AKR1A1: variants seen among roughly 807,000 people sequenced by gnomAD.
AKR1A1 encodes HEL-S-165mP.
A neutral mutation model predicts 39.2 loss-of-function variants in AKR1A1; 26 were observed. The ratio of observed to expected loss-of-function variants is 0.66; its 90% CI spans 0.49 to 0.92. The LOEUF (loss-of-function observed/expected upper bound fraction) is 0.92. Among genes scored for constraint, AKR1A1 ranks in the 40% least tolerant of loss-of-function variants. The pLI is 0.00. For synonymous variants in AKR1A1, 141 were observed against 155.5 expected (o/e 0.91, Z 0.69); for missense variants, 378 against 406.5 (o/e 0.93, Z 0.60).
At position 45,561,719 on chromosome 1, in the gene AKR1A1, G is replaced by C. The variant is rs931687524; in HGVS notation, c.-6-70G>C. The C allele has an allele frequency of 1.7e-5, 25 of 1,496,806 alleles. No homozygotes were observed. Among genetic ancestry groups the C allele is most frequent in the African/African-American group, 5.5e-5 (4 of 72,420 alleles). 92.7% of individuals were successfully genotyped at this position (1,496,806 alleles called of 1,614,324 possible). A position where few individuals can be genotyped will look rare whatever the true frequency, so the allele number is the denominator to read the frequency against. On this transcript the variant is annotated intron_variant, in intron 1 of 8. Coordinates refer to ENST00000351829, the MANE Select transcript of AKR1A1 (RefSeq NM_153326.3). The stretch of plus-strand genomic sequence containing the variant: ...GCACTTGGCGCTTTGCAGTATTCTT[G>C]ACAGTGGAAATCTGAGACCTGAACA...
At chr1:45,551,932 A>G (rs572633996) in intron 1 of AKR1A1, among the ~76,000 whole-genome samples, 119 of 151,974 alleles carry the variant, frequency 7.8e-4, no homozygotes, top group Middle Eastern at 6.8e-3. Context: ...ACCTGTCAAG[A>G]TCTCTCCCCC....
At chr1:45,555,799 G>A (rs535667968) in intron 1 of AKR1A1, among the ~76,000 whole-genome samples, 5 of 152,256 alleles carry the variant, frequency 3.3e-5, no homozygotes, top group African/African-American at 1.2e-4. Flanking sequence ...CCAGGTCTGC[G>A]TAGCCCCACA....
intron 2 of AKR1A1, among the ~76,000 whole-genome samples, chr1:45,565,795 A>G (rs563331521): frequency 3.4e-5 from 5 of 146,090 alleles, no homozygotes; most frequent in Admixed American, 2.7e-4. Context: ...TTTTTTTTTT[A>G]AAGAGGTGGG....
chr1:45,557,054 G>A (rs1644214265), intron 1 of AKR1A1, among the ~76,000 whole-genome samples: 1 of 151,498 alleles, frequency 6.6e-6, no homozygotes, highest in Non-Finnish European at 1.5e-5. Context: ...GCTGGGCGTG[G>A]TGGCACATGC....
Position 45,569,992 on chromosome 1 carries a change from G to T in AKR1A1, c.*36G>T, listed in dbSNP as rs759327817. On this transcript the variant is annotated 3_prime_UTR_variant, in exon 9 of 9. Transcript: ENST00000351829. ...TCTTGGCCTCCCTTCCAGCTCTGCA[G>T]CTAATGAGGTCCTGCCACAACGGAA... 1 of 1,582,738 alleles carries T rather than the reference G, an allele frequency of 6.3e-7. No individual in the cohort carries two copies. The highest frequency in any genetic ancestry group is 1.7e-5 in the Admixed American group (1 of 59,964).
At position 45,568,551 on chromosome 1, in the gene AKR1A1, G is replaced by A. The variant is rs1644375032; in HGVS notation, c.619G>A (p.Val207Ile). ...CCACTGCCAAGCACGTGGCCTGGAG[G>A]TAACTGCTTATAGCCCTTTGGGCTC... ...IAHCQARGLE[V>I]TAYSPLGSSD... The change falls in exon 6 of 9, where the codon GTA (valine) becomes ATA (isoleucine). Residue 207 changes from valine (V) to isoleucine (I), a missense_variant. Physicochemically the swap from Val to Ile is conservative, Grantham distance 29. Transcript: ENST00000351829. The A allele has an allele frequency of 1.2e-6, 2 of 1,613,992 alleles. No homozygotes were observed. The highest frequency in any genetic ancestry group is 2.2e-5 in the South Asian group (2 of 91,068).
chr1:45,565,122 ATTTTTTTT>A (rs11351880), intron 2 of AKR1A1, among the ~76,000 whole-genome samples: 2 of 53,568 alleles, frequency 3.7e-5, no homozygotes, highest in African/African-American at 1.8e-4. Flanking sequence ...ACACCCAGCC[ATTTTTTTT>A]TTTTTTTTTT....
At chr1:45,553,398 G>A (rs1644159238) in intron 1 of AKR1A1, among the ~76,000 whole-genome samples, 1 of 147,744 alleles carries the variant, frequency 6.8e-6, no homozygotes, top group South Asian at 2.2e-4. Flanking sequence ...CTCCAGCCTG[G>A]CGACAGAGCG....
intron 1 of AKR1A1, among the ~76,000 whole-genome samples, chr1:45,558,812 G>T (rs1194882032): frequency 6.6e-6 from 1 of 152,150 alleles, no homozygotes. Flanking sequence ...TTACAGGTGT[G>T]AGCCACCACT....
At chr1:45,553,896 G>A (rs1416468323) in intron 1 of AKR1A1, among the ~76,000 whole-genome samples, 1 of 152,080 alleles carries the variant, frequency 6.6e-6, no homozygotes, top group Non-Finnish European at 1.5e-5. Context: ...TCGGGAGGCT[G>A]AGGCAGGAGA....
At chr1:45,559,848 A>G (rs1644255354) in intron 1 of AKR1A1, among the ~76,000 whole-genome samples, 1 of 151,502 alleles carries the variant, frequency 6.6e-6, no homozygotes, top group South Asian at 2.1e-4. Context: ...GGGTTTCGCT[A>G]TGTTGACCAG....
chr1:45,551,100 G>C lies in AKR1A1; in HGVS notation c.-62G>C, dbSNP rs1200953607. The stretch of plus-strand genomic sequence containing the variant: ...TGAGGATCGTTGGATCTCTGGCGGG[G>C]TGCAGAACTGAGCCCAGGCCACAGT... On this transcript the variant is annotated 5_prime_UTR_variant, in exon 1 of 9. Transcript: ENST00000351829. 6.6e-6 allele frequency: 1 copy of C among 152,314 alleles called. No individual in the cohort carries two copies. Among genetic ancestry groups the C allele is most frequent in the Admixed American group, 6.5e-5 (1 of 15,284 alleles). The allele number at this position is 152,314 out of a possible 1,614,324, so 9.4% of individuals were successfully genotyped here.
At position 45,568,092 on chromosome 1, in the gene AKR1A1, T is replaced by A; in HGVS notation, c.467T>A (p.Val156Glu). 1 of 1,614,038 alleles carries A rather than the reference T, an allele frequency of 6.2e-7. No individual in the cohort carries two copies. Among genetic ancestry groups the A allele is most frequent in the South Asian group, 1.1e-5 (1 of 91,068 alleles). Residue 156 changes from valine to glutamate, a missense_variant, in exon 5 of 9, where the codon GTG becomes GAG. Physicochemically the swap from Val to Glu is moderately radical, Grantham distance 121. Coordinates refer to ENST00000351829, the MANE Select transcript of AKR1A1 (RefSeq NM_153326.3). Reference protein sequence around the residue: ...ALEALVAKGLVQALGLSNFNS... With the variant: ...ALEALVAKGLEQALGLSNFNS... ...GAGGCACTGGTGGCTAAGGGGCTGGTGCAGGCGCTGGGCCTGTCCAACTTC... is the reference window on the plus strand; with the variant it reads ...GAGGCACTGGTGGCTAAGGGGCTGGAGCAGGCGCTGGGCCTGTCCAACTTC...
chr1:45,556,564 G>A (rs1644206802), intron 1 of AKR1A1, among the ~76,000 whole-genome samples: 1 of 148,396 alleles, frequency 6.7e-6, no homozygotes, highest in Non-Finnish European at 1.5e-5. Flanking sequence ...CTGGGTGACG[G>A]AGCAAGACTC....
chr1:45,557,033 T>A (rs1313947888), intron 1 of AKR1A1, among the ~76,000 whole-genome samples: 1 of 149,992 alleles, frequency 6.7e-6, no homozygotes, highest in Non-Finnish European at 1.5e-5. Flanking sequence ...CTACTAATAA[T>A]ACAAAAATTA....
At chr1:45,559,902 C>T (rs1644256183) in intron 1 of AKR1A1, among the ~76,000 whole-genome samples, 1 of 151,958 alleles carries the variant, frequency 6.6e-6, no homozygotes, top group Non-Finnish European at 1.5e-5. Flanking sequence ...CCACCTCAAC[C>T]TCCCAAAGTG....
chr1:45,551,456 C>A (rs558976817), intron 1 of AKR1A1, among the ~76,000 whole-genome samples: 24 of 152,230 alleles, frequency 1.6e-4, no homozygotes, highest in Admixed American at 3.3e-4. Flanking sequence ...TAATTGCCAT[C>A]TTTTTGTTTG....
At chr1:45,567,315 C>A in intron 4 of AKR1A1, 2 of 333,644 alleles carry the variant, frequency 6.0e-6, no homozygotes, top group East Asian at 5.7e-5. Context: ...CTGTTGAGCA[C>A]CTGGGGTTAC....
At chr1:45,558,492 G>C (rs748467641) in intron 1 of AKR1A1, among the ~76,000 whole-genome samples, 1 of 148,338 alleles carries the variant, frequency 6.7e-6, no homozygotes, top group Non-Finnish European at 1.5e-5. Context: ...TCCACCTCCC[G>C]AGTTCAAGCG....
Sources: gnomAD v4.1 joint callset for allele counts (sites outside exome capture counted in the v4.1 genomes callset) on GRCh38, gnomAD v4.1.1 for gene constraint, MANE v1.5 for transcripts, NCBI Gene and HGNC (gene_info 2026-07-23, HGNC 2026-07-21) for gene names.